Variants in CCDC73 observed in about 807,000 individuals in gnomAD.
CCDC73 encodes coiled-coil domain containing 73, also known as coiled-coil domain-containing protein 73.
Under a neutral mutation model 116.5 loss-of-function variants are expected in CCDC73, and 95 were observed. The observed-to-expected ratio is 0.82, with a 90% CI of 0.69 to 0.97. The LOEUF is 0.97. CCDC73 is among the 50% of genes least tolerant of loss of function. CCDC73 has a pLI of 0.00. For missense variants in CCDC73, 1,066 were observed against 1,206.8 expected (o/e 0.88, Z 1.73); for synonymous variants, 398 against 401.3 (o/e 0.99, Z 0.10).
intron 3 of CCDC73, among the ~76,000 whole-genome samples, chr11:32,713,578 G>A (rs767558993): frequency 9.9e-5 from 15 of 151,998 alleles, no homozygotes; most frequent in Admixed American, 2.0e-4. Context: ...CTTTGAAGAA[G>A]TTTAAAAAGC....
intron 14 of CCDC73, among the ~76,000 whole-genome samples, chr11:32,622,513 G>A (rs769440471): frequency 8.6e-5 from 13 of 152,028 alleles, no homozygotes; most frequent in Admixed American, 7.2e-4. Flanking sequence ...CTGTCCGGGT[G>A]GGGGGCAGCA....
At chr11:32,689,721 G>A (rs914076422) in intron 6 of CCDC73, among the ~76,000 whole-genome samples, 7 of 152,004 alleles carry the variant, frequency 4.6e-5, no homozygotes, top group Non-Finnish European at 8.8e-5. Flanking sequence ...ATATATCTAA[G>A]AAAATTACTC....
intron 9 of CCDC73, among the ~76,000 whole-genome samples, chr11:32,674,051 C>G (rs1314632085): frequency 6.6e-6 from 1 of 152,194 alleles, no homozygotes; most frequent in Non-Finnish European, 1.5e-5. Context: ...TGCCTAGGCT[C>G]TCCACTGGCC....
chr11:32,663,362 C>A (rs1341213807), intron 9 of CCDC73, among the ~76,000 whole-genome samples: 3 of 152,158 alleles, frequency 2.0e-5, no homozygotes, highest in Admixed American at 6.5e-5. Flanking sequence ...TTTCATTGAG[C>A]AGTGGTTTGT....
the CCDC73 span, among the ~76,000 whole-genome samples, chr11:32,816,927 G>A: frequency 6.6e-6 from 1 of 152,164 alleles, no homozygotes; most frequent in Non-Finnish European, 1.5e-5. Context: ...GGAACTACAG[G>A]CGCCTGCCAC....
intron 6 of CCDC73, among the ~76,000 whole-genome samples, chr11:32,687,726 T>C (rs1193501874): frequency 6.6e-6 from 1 of 152,138 alleles, no homozygotes; most frequent in African/African-American, 2.4e-5. Flanking sequence ...GTGAGAACAA[T>C]GACACTCCAA....
Position 32,781,486 on chromosome 11 carries a change from C to T in CCDC73, c.-16+13127G>A, listed in dbSNP as rs184559455. On this transcript the variant is annotated intron_variant, in intron 1 of 17. Transcript: ENST00000335185. ...CCCTGCCAACAGAGTCTGCTGATAC[C>T]AGGTACCTCTAAAGGTGAAGGTAAA... is the stretch of plus-strand genomic sequence containing the variant. 2.0e-5 allele frequency among the ~76,000 whole-genome samples: 3 copies of T among 152,228 alleles called. No homozygotes were observed. In the East Asian group the frequency reaches 5.8e-4, roughly 29 times the overall value.
At chr11:32,710,543 A>C (rs1306890585) in intron 3 of CCDC73, among the ~76,000 whole-genome samples, 1 of 152,108 alleles carries the variant, frequency 6.6e-6, no homozygotes, top group Non-Finnish European at 1.5e-5. Context: ...CTGTGGTCTG[A>C]GAGAGTACTT....
At chr11:32,678,893 A>ATAT (rs1378241792) in intron 7 of CCDC73, among the ~76,000 whole-genome samples, 11 of 148,694 alleles carry the variant, frequency 7.4e-5, no homozygotes, top group East Asian at 2.0e-4. Context: ...AAAAAAAAAA[A>ATAT]AAAAATATAT....
At chr11:32,718,010 G>T in intron 3 of CCDC73, 66 bp downstream of exon 3, 1 of 1,105,064 alleles carries the variant, frequency 9.0e-7, no homozygotes. Context: ...GACACGTGGG[G>T]GTTACGGGGA....
At chr11:32,742,752 T>C (rs1324320063) in intron 2 of CCDC73, among the ~76,000 whole-genome samples, 2 of 152,226 alleles carry the variant, frequency 1.3e-5, no homozygotes, top group African/African-American at 2.4e-5. Flanking sequence ...CTGAATGGTA[T>C]TGCCCAGGTT....
intron 1 of CCDC73, among the ~76,000 whole-genome samples, chr11:32,780,712 G>A (rs959655214): frequency 6.6e-6 from 1 of 152,152 alleles, no homozygotes; most frequent in Admixed American, 6.6e-5. Flanking sequence ...CACTTAATAC[G>A]TGCAAAACTA....
At chr11:32,758,548 C>A in intron 2 of CCDC73, 1 of 449,630 alleles carries the variant, frequency 2.2e-6, no homozygotes, top group South Asian at 1.7e-5. Flanking sequence ...AACATGCTTT[C>A]TTCATCAAGG....
At chr11:32,755,943 ATATATATATC>A (rs1266577051) in intron 2 of CCDC73, among the ~76,000 whole-genome samples, 5 of 11,424 alleles carry the variant, frequency 4.4e-4, no homozygotes, top group African/African-American at 1.6e-3. Flanking sequence ...ATATATCTCC[ATATATATATC>A]TATATATATA....
chr11:32,637,340 T>A (rs1855691516), intron 13 of CCDC73, among the ~76,000 whole-genome samples: 1 of 152,094 alleles, frequency 6.6e-6, no homozygotes, highest in African/African-American at 2.4e-5. Context: ...AAGTCTATAC[T>A]TGCTACTTTC....
chr11:32,711,322 CA>C (rs1416793778), intron 3 of CCDC73, among the ~76,000 whole-genome samples: 3 of 151,910 alleles, frequency 2.0e-5, no homozygotes, highest in African/African-American at 7.3e-5. Context: ...GTCATTATAC[CA>C]AAAAAATACT....
intron 14 of CCDC73, among the ~76,000 whole-genome samples, chr11:32,629,770 C>A (rs1218480348): frequency 3.2e-3 from 383 of 121,304 alleles, no homozygotes; most frequent in East Asian, 4.4e-3. Context: ...CAATGCAAGC[C>A]AAAAAAAAAA....
At chr11:32,623,627 T>C (rs1195052829) in intron 14 of CCDC73, among the ~76,000 whole-genome samples, 1 of 152,180 alleles carries the variant, frequency 6.6e-6, no homozygotes, top group African/African-American at 2.4e-5. Context: ...GTGCTGGAAT[T>C]ACATGCATGA....
At chr11:32,653,862 T>C in intron 11 of CCDC73, 116 bp downstream of exon 11, 1 of 1,173,318 alleles carries the variant, frequency 8.5e-7, no homozygotes, top group Non-Finnish European at 1.2e-6. Flanking sequence ...CACATGTACA[T>C]TTAATACACA....
Sources: gnomAD v4.1 joint callset for allele counts (sites outside exome capture counted in the v4.1 genomes callset) on GRCh38, gnomAD v4.1.1 for gene constraint, MANE v1.5 for transcripts, NCBI Gene and HGNC (gene_info 2026-07-23, HGNC 2026-07-21) for gene names.